UBP1: variants seen among roughly 807,000 people sequenced by gnomAD.
The protein encoded by UBP1 is upstream-binding protein 1.
UBP1 carries 22 observed loss-of-function variants against 76.1 expected under a neutral mutation model. The ratio of observed to expected loss-of-function variants is 0.29; its 90% confidence interval spans 0.21 to 0.41. UBP1 has a LOEUF of 0.41. Ranked by LOEUF, UBP1 falls within the 10% of genes least tolerant of loss-of-function variation. The pLI, the probability that UBP1 is intolerant of heterozygous loss-of-function variation, is 1.00. For missense variants in UBP1, 436 were observed against 668.1 expected (o/e 0.65, Z 3.83); for synonymous variants, 224 against 237.1 (o/e 0.94, Z 0.51).
chr3:33,396,994 G>T (rs746998490), intron 12 of UBP1, 51 bp downstream of exon 12: 10 of 1,526,946 alleles, frequency 6.5e-6, no homozygotes, highest in Non-Finnish European at 8.1e-6. Context: ...AATTCCCCAC[G>T]CGAAGAAAGG....
chr3:33,411,072 CAAAA>C (rs893694272), intron 5 of UBP1, among the ~76,000 whole-genome samples: 2 of 65,540 alleles, frequency 3.1e-5, no homozygotes, highest in African/African-American at 6.0e-5. Flanking sequence ...AACTCCATCT[CAAAA>C]AAAAAAAAAA....
chr3:33,416,366 G>C (rs2044729238), intron 3 of UBP1, among the ~76,000 whole-genome samples: 1 of 152,180 alleles, frequency 6.6e-6, no homozygotes, highest in Non-Finnish European at 1.5e-5. Context: ...TCTTCATTCA[G>C]ATACATGAGT....
At chr3:33,390,537 A>C in intron 15 of UBP1, 169 bp from the exon 16 acceptor site, 1 of 688,394 alleles carries the variant, frequency 1.5e-6, no homozygotes, top group South Asian at 1.9e-5. Context: ...TTCCCCCAAA[A>C]AACTTCATGT....
At chr3:33,394,588 TCTCA>T (rs2043894630) in intron 13 of UBP1, among the ~76,000 whole-genome samples, 1 of 152,076 alleles carries the variant, frequency 6.6e-6, no homozygotes, top group Non-Finnish European at 1.5e-5. Context: ...CTGTAGTGAG[TCTCA>T]CTCTTGTACG....
chr3:33,396,679 T>G, intron 12 of UBP1: 1 of 430,242 alleles, frequency 2.3e-6, no homozygotes, highest in South Asian at 2.1e-5. Flanking sequence ...CACAATTAGT[T>G]TACATTTTTA....
At chr3:33,432,135 A>C (rs1001338755) in intron 1 of UBP1, among the ~76,000 whole-genome samples, 16 of 152,174 alleles carry the variant, frequency 1.1e-4, no homozygotes, top group Admixed American at 5.2e-4. Flanking sequence ...AGCCTGGGTA[A>C]CATGGTGAAA....
At chr3:33,396,313 G>A in intron 12 of UBP1, 33 bp from the exon 13 acceptor site, 1 of 1,511,076 alleles carries the variant, frequency 6.6e-7, no homozygotes, top group Non-Finnish European at 9.1e-7. Flanking sequence ...ATGAGCCTGG[G>A]AGAGAAAGCT....
intron 14 of UBP1, 99 bp from the exon 15 acceptor site, chr3:33,392,713 G>C: frequency 8.8e-7 from 1 of 1,133,024 alleles, no homozygotes; most frequent in Non-Finnish European, 1.3e-6. Context: ...ACAAACACAG[G>C]ACTCAATGGC....
Position 33,420,991 on chromosome 3 carries a change from TC to T in UBP1, c.266-4158del, listed in dbSNP as rs546252915. On this transcript the variant is annotated intron_variant, in intron 2 of 15. Coordinates refer to ENST00000283629, the MANE Select transcript of UBP1 (RefSeq NM_014517.5). ...TATTTGGGGACTAACAAGGAGAAATTCTTTTCATTTGAAGAGTTAGGGGCTG... is the reference window on the plus strand; with the variant it reads ...TATTTGGGGACTAACAAGGAGAAATTTTTTCATTTGAAGAGTTAGGGGCTG... Among the ~76,000 whole-genome samples, 11 of 152,330 alleles carry T rather than the reference TC, an allele frequency of 7.2e-5. No homozygotes were observed. In the South Asian group the frequency reaches 2.3e-3, roughly 32 times the overall value.
At chr3:33,396,660 A>G (rs1352348931) in intron 12 of UBP1, 7 of 410,444 alleles carry the variant, frequency 1.7e-5, no homozygotes, top group Admixed American at 3.3e-5. Context: ...AGTTTCTGTC[A>G]TTTTAATTCA....
At chr3:33,440,910 G>C (rs1197706952), upstream of UBP1, 1 of 152,212 alleles carries the variant, frequency 6.6e-6, no homozygotes, top group East Asian at 1.9e-4. Context: ...GGGAGTGAGC[G>C]GTTTGCACCC....
chr3:33,419,688 G>C (rs776426342), intron 2 of UBP1, among the ~76,000 whole-genome samples: 1 of 150,178 alleles, frequency 6.7e-6, no homozygotes, highest in Admixed American at 6.6e-5. Flanking sequence ...TACGCTTAAA[G>C]TGGTTTCCCT....
intron 3 of UBP1, among the ~76,000 whole-genome samples, chr3:33,416,255 G>A (rs1429611111): frequency 6.6e-6 from 1 of 152,122 alleles, no homozygotes; most frequent in Non-Finnish European, 1.5e-5. Context: ...ATGGATACAG[G>A]CTAGGAGGGG....
chr3:33,422,557 C>T lies in UBP1; in HGVS notation c.265+3033G>A, dbSNP rs554905828. 7.2e-5 allele frequency among the ~76,000 whole-genome samples: 11 copies of T among 151,944 alleles called. 1 individual carries two copies. The South Asian group carries it at 1.2e-3, about 17-fold the overall frequency. On this transcript the variant is annotated intron_variant, in intron 2 of 15. Coordinates refer to ENST00000283629, the MANE Select transcript of UBP1 (RefSeq NM_014517.5). ...TGAATAGTGAGATCCGCCATCTCTA[C>T]GAAAATTTTTTTTAAAAATTTGCCA... is the stretch of plus-strand genomic sequence containing the variant.
intron 14 of UBP1, 113 bp downstream of exon 14, chr3:33,393,199 A>G: frequency 8.9e-7 from 1 of 1,128,546 alleles, no homozygotes; most frequent in Non-Finnish European, 1.2e-6. Context: ...CTCTCTGAAA[A>G]TGATTCTCAT....
At chr3:33,398,887 T>C (rs1436285267) in intron 11 of UBP1, among the ~76,000 whole-genome samples, 1 of 152,220 alleles carries the variant, frequency 6.6e-6, no homozygotes, top group Non-Finnish European at 1.5e-5. Flanking sequence ...TTTTACAATT[T>C]CTAGTTTTTC....
intron 2 of UBP1, among the ~76,000 whole-genome samples, chr3:33,418,515 T>C (rs2044789812): frequency 1.3e-5 from 2 of 151,486 alleles, no homozygotes; most frequent in African/African-American, 4.8e-5. Flanking sequence ...CGCCTCAGCC[T>C]CCCAAAATGC....
chr3:33,438,821 T>G (rs965966299), intron 1 of UBP1, among the ~76,000 whole-genome samples: 4 of 152,184 alleles, frequency 2.6e-5, no homozygotes, highest in African/African-American at 9.7e-5. Flanking sequence ...GATGTATGAA[T>G]GCTACTGGGA....
chr3:33,406,252 A>C lies in UBP1; in HGVS notation c.927+2438T>G, dbSNP rs149364795. ...AGTGAAAGCCCATCTCAAAAAAATA[A>C]ATAAATAACTAAAAAACTAGACCCT... is the stretch of plus-strand genomic sequence containing the variant. On this transcript the variant is annotated intron_variant, in intron 8 of 15. Coordinates refer to ENST00000283629, the MANE Select transcript of UBP1 (RefSeq NM_014517.5). Among the ~76,000 whole-genome samples, 10 of 152,288 alleles carry C rather than the reference A, an allele frequency of 6.6e-5. No homozygotes were observed. In the East Asian group the frequency reaches 1.7e-3, roughly 26 times the overall value.
Sources: gnomAD v4.1 joint callset for allele counts (sites outside exome capture counted in the v4.1 genomes callset) on GRCh38, gnomAD v4.1.1 for gene constraint, MANE v1.5 for transcripts, NCBI Gene and HGNC (gene_info 2026-07-23, HGNC 2026-07-21) for gene names.